Variants in MGMT observed in about 807,000 individuals in gnomAD.
MGMT encodes methylated-DNA--protein-cysteine methyltransferase.
MGMT carries 14 observed loss-of-function variants against 15.9 expected under a neutral mutation model. The ratio of observed to expected loss-of-function variants is 0.88; its 90% CI spans 0.58 to 1.37. The LOEUF is 1.37. Among genes scored for constraint, MGMT ranks in the 40% most tolerant of loss-of-function variants. The probability of loss-of-function intolerance (pLI) is 0.00; values close to 1 mark genes in which losing one functional copy is unlikely to be tolerated. For synonymous variants in MGMT, 130 were observed against 118.2 expected, an observed-to-expected ratio of 1.10 and a Z score of -0.65; for missense variants, 282 against 268.1, an observed-to-expected ratio of 1.05 and a Z score of -0.36.
chr10:129,723,010 A>C (rs1848390872), intron 3 of MGMT, among the ~76,000 whole-genome samples: 1 of 100,488 alleles, frequency 1.0e-5, no homozygotes, highest in Non-Finnish European at 2.1e-5. Context: ...TATCACAAAA[A>C]AAAAAAAAAA....
At chr10:129,662,538 AC>A (rs745629943) in intron 2 of MGMT, among the ~76,000 whole-genome samples, 2 of 152,194 alleles carry the variant, frequency 1.3e-5, no homozygotes, top group Non-Finnish European at 2.9e-5. Flanking sequence ...CTAAAGAGAC[AC>A]AGTAACCCTC....
In MGMT at chr10:129,548,675, T is replaced by C. The variant is rs1199423027; in HGVS notation, c.125+12298T>C. Among the ~76,000 whole-genome samples, 3 of 152,210 alleles carry C rather than the reference T, an allele frequency of 2.0e-5. No homozygotes were observed. The East Asian group carries it at 5.8e-4, about 29-fold the overall frequency. On this transcript the variant is annotated intron_variant, in intron 2 of 4. Coordinates refer to ENST00000651593, the MANE Select transcript of MGMT (RefSeq NM_002412.5). ...GTCCTGCAGGCAGCCTGGCGTCTGC[T>C]TTGCCTGTGGGCCGTGCAGGGTGCT... is the stretch of plus-strand genomic sequence containing the variant.
At chr10:129,549,703 A>T (rs1379584821) in intron 2 of MGMT, among the ~76,000 whole-genome samples, 1 of 152,124 alleles carries the variant, frequency 6.6e-6, no homozygotes, top group East Asian at 1.9e-4. Context: ...AGATGATAAA[A>T]TTTTTTGTCC....
chr10:129,677,057 C>T (rs1335689313), intron 2 of MGMT, among the ~76,000 whole-genome samples: 3 of 152,118 alleles, frequency 2.0e-5, no homozygotes, highest in Admixed American at 1.3e-4. Flanking sequence ...AGGGGCAAAG[C>T]GGCTGATTCT....
Position 129,473,448 on chromosome 10 carries a change from G to A in MGMT, c.-13+6152G>A, listed in dbSNP as rs146553725. Among the ~76,000 whole-genome samples, 1,081 of 152,320 alleles carry A rather than the reference G, an allele frequency of 7.1e-3. 12 individuals carry two copies. Among genetic ancestry groups the A allele is most frequent in the African/African-American group, 0.025 (1,026 of 41,566 alleles). On this transcript the variant is annotated intron_variant, in intron 1 of 4. Transcript: ENST00000651593. ...CACCCCATGAAGGAGAAGGCGCTGT[G>A]AGTGTCTTTATTTTGCATATGAGGA... is the stretch of plus-strand genomic sequence containing the variant.
At chr10:129,589,658 T>TA (rs1425921121) in intron 2 of MGMT, among the ~76,000 whole-genome samples, 33 of 152,326 alleles carry the variant, frequency 2.2e-4, no homozygotes, top group African/African-American at 7.5e-4. Flanking sequence ...AGTGACCCCC[T>TA]ATGGCCTGCG....
chr10:129,738,310 C>T (rs975803449), intron 3 of MGMT, among the ~76,000 whole-genome samples: 3 of 152,282 alleles, frequency 2.0e-5, no homozygotes, highest in African/African-American at 4.8e-5. Flanking sequence ...GGGAGTGACC[C>T]GATTTTCCAG....
chr10:129,699,506 C>G lies in MGMT; in HGVS notation c.126-8389C>G, dbSNP rs1848072224. On this transcript the variant is annotated intron_variant, in intron 2 of 4. Coordinates refer to ENST00000651593, the MANE Select transcript of MGMT (RefSeq NM_002412.5). ...ATACCTACGACCACCCAGAAAGTAACTTGGAACCTAACTTAATTTTAAATG... is the reference window on the plus strand; with the variant it reads ...ATACCTACGACCACCCAGAAAGTAAGTTGGAACCTAACTTAATTTTAAATG... 2.6e-5 allele frequency among the ~76,000 whole-genome samples: 4 copies of G among 152,138 alleles called. No homozygotes were observed. The South Asian group carries it at 8.3e-4, about 32-fold the overall frequency.
At chr10:129,548,276 T>A (rs964447031) in intron 2 of MGMT, among the ~76,000 whole-genome samples, 1 of 152,202 alleles carries the variant, frequency 6.6e-6, no homozygotes, top group African/African-American at 2.4e-5. Flanking sequence ...TCCTATTTCT[T>A]TAATATTCTT....
chr10:129,734,024 G>A, intron 3 of MGMT, among the ~76,000 whole-genome samples: 1 of 151,426 alleles, frequency 6.6e-6, no homozygotes, highest in East Asian at 2.0e-4. Flanking sequence ...TTTGGCTTAG[G>A]ATTGACTTGG....
chr10:129,738,077 T>G (rs1245082633), intron 3 of MGMT, among the ~76,000 whole-genome samples: 1 of 152,216 alleles, frequency 6.6e-6, no homozygotes, highest in African/African-American at 2.4e-5. Context: ...TGTGGTGGGC[T>G]CCACCCAGTT....
chr10:129,762,764 G>A (rs974132335), intron 4 of MGMT, among the ~76,000 whole-genome samples: 3 of 152,148 alleles, frequency 2.0e-5, no homozygotes, highest in African/African-American at 7.2e-5. Flanking sequence ...GACCCCCCGA[G>A]GCTTGTTCTG....
rs112012027 is a variant in MGMT at position 129,541,342 on chromosome 10, G to A, written c.125+4965G>A. On this transcript the variant is annotated intron_variant, in intron 2 of 4. Transcript: ENST00000651593. ...ATCAGGTTTCTGTGAATGCCATCACGTCCAGGAGCACTTGGCCTCTGCAAG... is the reference window on the plus strand; with the variant it reads ...ATCAGGTTTCTGTGAATGCCATCACATCCAGGAGCACTTGGCCTCTGCAAG... 3.0e-3 allele frequency among the ~76,000 whole-genome samples: 452 copies of A among 152,320 alleles called. 7 individuals are homozygous for A. Among genetic ancestry groups the A allele is most frequent in the African/African-American group, 0.01 (418 of 41,566 alleles).
In MGMT at chr10:129,769,336, C is replaced by T. The variant is rs2133193099; in HGVS notation, c.*2339C>T. 1 of 152,358 alleles carries T rather than the reference C, an allele frequency of 6.6e-6. No individual in the cohort carries two copies. Among genetic ancestry groups the T allele is most frequent in the Non-Finnish European group, 1.5e-5 (1 of 68,050 alleles). 9.4% of individuals were successfully genotyped at this position (152,358 alleles called of 1,614,324 possible). On this transcript the variant is annotated 3_prime_UTR_variant, in exon 5 of 5. Coordinates refer to ENST00000651593, the MANE Select transcript of MGMT (RefSeq NM_002412.5). ...AGCACGCGGGTCGCCTAGAGCCGCT[C>T]TGCCTCCAAGCTGCAGCGCCGTTCG...
intron 1 of MGMT, among the ~76,000 whole-genome samples, chr10:129,525,219 G>A (rs920933385): frequency 6.6e-6 from 1 of 152,132 alleles, no homozygotes; most frequent in Non-Finnish European, 1.5e-5. Context: ...TCAGAACAGC[G>A]TTTATCTTCC....
At chr10:129,643,993 T>C (rs1847357623) in intron 2 of MGMT, among the ~76,000 whole-genome samples, 1 of 152,188 alleles carries the variant, frequency 6.6e-6, no homozygotes, top group Non-Finnish European at 1.5e-5. Context: ...TTCAATACTT[T>C]GATGATGCGA....
Position 129,769,896 on chromosome 10 carries a change from C to A in MGMT, c.*2899C>A, listed in dbSNP as rs563670003. On this transcript the variant is annotated 3_prime_UTR_variant, in exon 5 of 5. Coordinates refer to ENST00000651593, the MANE Select transcript of MGMT (RefSeq NM_002412.5). ...AGCTCTTGCATGAGGAATTGCAGAA[C>A]TTAGGGGCATGAATTTGCACTTCCA... Among the ~76,000 whole-genome samples, 1 of 152,136 alleles carries A rather than the reference C, an allele frequency of 6.6e-6. No individual in the cohort carries two copies. The highest frequency in any genetic ancestry group is 1.5e-5 in the Non-Finnish European group (1 of 68,030).
chr10:129,588,147 A>G (rs1239839627), intron 2 of MGMT, among the ~76,000 whole-genome samples: 1 of 152,194 alleles, frequency 6.6e-6, no homozygotes, highest in African/African-American at 2.4e-5. Context: ...CTAGACAAAA[A>G]ACAGGACCTC....
chr10:129,652,827 C>T (rs929637898), intron 2 of MGMT, among the ~76,000 whole-genome samples: 5 of 152,228 alleles, frequency 3.3e-5, no homozygotes, highest in Admixed American at 1.3e-4. Flanking sequence ...CCCTCCCAAG[C>T]GTGCCCGTGC....
Sources: allele counts gnomAD v4.1 joint callset (sites outside exome capture counted in the v4.1 genomes callset), GRCh38; gene constraint gnomAD v4.1.1; transcripts MANE v1.5; gene names NCBI Gene and HGNC (gene_info 2026-07-23, HGNC 2026-07-21).